Variants in TXNL1 observed in about 807,000 individuals in gnomAD.
The protein encoded by TXNL1 is thioredoxin-like protein 1.
In TXNL1, 14 loss-of-function variants were observed where a neutral mutation model predicts 35.5. The ratio of observed to expected loss-of-function variants is 0.39; its 90% confidence interval spans 0.26 to 0.62. The LOEUF (loss-of-function observed/expected upper bound fraction) is 0.62. Ranked by LOEUF, TXNL1 falls within the 20% of genes least tolerant of loss-of-function variation. TXNL1 has a pLI of 0.47. For missense variants in TXNL1, 263 were observed against 349.7 expected (o/e 0.75, Z 1.98); for synonymous variants, 110 against 115.5 (o/e 0.95, Z 0.31).
intron 1 of TXNL1, among the ~76,000 whole-genome samples, chr18:56,637,423 A>T (rs2024473400): frequency 6.6e-6 from 1 of 152,212 alleles, no homozygotes; most frequent in South Asian, 2.1e-4. Flanking sequence ...CTTCTAACTA[A>T]ATACTATCGA....
At chr18:56,619,736 G>A (rs1034009605) in intron 3 of TXNL1, among the ~76,000 whole-genome samples, 2 of 151,862 alleles carry the variant, frequency 1.3e-5, no homozygotes, top group African/African-American at 2.4e-5. Context: ...TGTTAACAGC[G>A]GTTGGTCATG....
chr18:56,619,258 C>T lies in TXNL1; in HGVS notation c.370-1132G>A, dbSNP rs185508749. ...AAGTATAAACATTATATTTGGAGGC[C>T]GGGTCGGGGTGGCTCACCCCTGCAA... On this transcript the variant is annotated intron_variant, in intron 3 of 7. Transcript: ENST00000217515. Among the ~76,000 whole-genome samples, 20 of 150,942 alleles carry T rather than the reference C, an allele frequency of 1.3e-4. No homozygotes were observed. In the South Asian group the frequency reaches 2.5e-3, roughly 19 times the overall value.
At chr18:56,617,853 A>G (rs186010485) in intron 4 of TXNL1, 151 bp downstream of exon 4, 23 of 1,113,520 alleles carry the variant, frequency 2.1e-5, no homozygotes, top group Non-Finnish European at 2.9e-5. Flanking sequence ...ATGGTCAAAA[A>G]ACAAAAGTCA....
Position 56,636,469 on chromosome 18 carries a change from G to C in TXNL1, c.98+1874C>G, listed in dbSNP as rs111816645. ...GCCAATAAGTTCGAGGAATATTAAA[G>C]GTAAATACAATAATCTTACCAGATT... On this transcript the variant is annotated intron_variant, in intron 1 of 7. Coordinates refer to ENST00000217515, the MANE Select transcript of TXNL1 (RefSeq NM_004786.3). 5.2e-3 allele frequency among the ~76,000 whole-genome samples: 789 copies of C among 152,116 alleles called. 3 individuals are homozygous for C. Among genetic ancestry groups the C allele is most frequent in the African/African-American group, 0.018 (762 of 41,500 alleles).
At chr18:56,635,249 C>T (rs2024438491) in intron 1 of TXNL1, among the ~76,000 whole-genome samples, 1 of 152,082 alleles carries the variant, frequency 6.6e-6, no homozygotes, top group African/African-American at 2.4e-5. Flanking sequence ...CAGAGCAAGA[C>T]CCTGTCTCTA....
chr18:56,621,958 T>G (rs1051910715), intron 3 of TXNL1, among the ~76,000 whole-genome samples: 21 of 145,032 alleles, frequency 1.4e-4, no homozygotes, highest in Non-Finnish European at 1.6e-4. Context: ...CGGTGGAGGT[T>G]GCAGATCATG....
intron 3 of TXNL1, among the ~76,000 whole-genome samples, chr18:56,623,516 C>A (rs1022340277): frequency 3.3e-5 from 5 of 151,878 alleles, no homozygotes; most frequent in Non-Finnish European, 7.4e-5. Flanking sequence ...AACTTTGTAA[C>A]CAGAGAAATT....
chr18:56,626,606 G>C, intron 1 of TXNL1, 149 bp from the exon 2 acceptor site: 1 of 725,076 alleles, frequency 1.4e-6, no homozygotes, highest in South Asian at 2.2e-5. Flanking sequence ...GCTTTAGACA[G>C]AGTCTCACTC....
At chr18:56,618,266 C>T in intron 3 of TXNL1, 140 bp from the exon 4 acceptor site, 4 of 855,234 alleles carry the variant, frequency 4.7e-6, no homozygotes, top group Non-Finnish European at 6.9e-6. Flanking sequence ...TACAGTAGTC[C>T]TTTCATTTGC....
At chr18:56,633,853 G>C (rs1449240791) in intron 1 of TXNL1, among the ~76,000 whole-genome samples, 4 of 151,538 alleles carry the variant, frequency 2.6e-5, no homozygotes, top group African/African-American at 9.7e-5. Flanking sequence ...GTGTGGTGGC[G>C]CATACCTGTA....
Position 56,599,290 on chromosome 18 carries a change from A to C in TXNL1, c.*3737T>G, listed in dbSNP as rs1052601061. The C allele has an allele frequency of 8.6e-5, 13 of 152,004 alleles. No individual in the cohort carries two copies. The highest frequency in any genetic ancestry group is 2.2e-4 in the African/African-American group (9 of 41,370). 9.4% of individuals were successfully genotyped at this position (152,004 alleles called of 1,614,324 possible). A position where few individuals can be genotyped will look rare whatever the true frequency, so the allele number is the denominator to read the frequency against. Reference sequence around the variant, plus strand: ...AGTGCTGAGCATGTTAAAAAAAAAAAAAAACCTTATTGATCAAAAATAAAA... The same window carrying C: ...AGTGCTGAGCATGTTAAAAAAAAAACAAAACCTTATTGATCAAAAATAAAA... On this transcript the variant is annotated 3_prime_UTR_variant, in exon 8 of 8. Transcript: ENST00000217515.
intron 1 of TXNL1, among the ~76,000 whole-genome samples, chr18:56,637,122 G>GT (rs2024467800): frequency 6.6e-6 from 1 of 152,128 alleles, no homozygotes; most frequent in Non-Finnish European, 1.5e-5. Flanking sequence ...TCAATTCAGT[G>GT]TAAGAGAGAC....
rs1343835084 is a variant in TXNL1, at chr18:56,603,006, T to C, written c.*21A>G. Reference sequence around the variant, plus strand: ...AGCTGTAGATCTGATTGCAATATGGTTGTCCAGTGTCTTTTGTACCTTAGT... The same window carrying C: ...AGCTGTAGATCTGATTGCAATATGGCTGTCCAGTGTCTTTTGTACCTTAGT... On this transcript the variant is annotated 3_prime_UTR_variant, in exon 8 of 8. Transcript: ENST00000217515. The C allele has an allele frequency of 1.2e-6, 2 of 1,613,600 alleles. No individual in the cohort carries two copies. Among genetic ancestry groups the C allele is most frequent in the East Asian group, 4.5e-5 (2 of 44,824 alleles).
intron 1 of TXNL1, among the ~76,000 whole-genome samples, chr18:56,632,556 T>C (rs1046700535): frequency 6.6e-6 from 1 of 152,190 alleles, no homozygotes; most frequent in Non-Finnish European, 1.5e-5. Context: ...CAAAACAATG[T>C]CCTACACAGT....
chr18:56,614,383 TCA>T, intron 6 of TXNL1, 39 bp downstream of exon 6: 4 of 1,561,518 alleles, frequency 2.6e-6, no homozygotes, highest in Non-Finnish European at 3.5e-6. Flanking sequence ...GTATTGTTAC[TCA>T]CAAACCTATT....
intron 3 of TXNL1, among the ~76,000 whole-genome samples, chr18:56,618,624 A>G (rs1441264684): frequency 1.3e-5 from 2 of 152,046 alleles, no homozygotes; most frequent in Non-Finnish European, 2.9e-5. Context: ...ATAATCATCA[A>G]CTGAAGGCCA....
At chr18:56,611,361 G>A (rs1598913652) in intron 6 of TXNL1, among the ~76,000 whole-genome samples, 1 of 151,812 alleles carries the variant, frequency 6.6e-6, no homozygotes, top group Non-Finnish European at 1.5e-5. Flanking sequence ...AATTAACCAG[G>A]TGTGGTGACT....
chr18:56,600,378 A>G lies in TXNL1; in HGVS notation c.*2649T>C, dbSNP rs1369324740. 5.4e-5 allele frequency: 8 copies of G among 149,352 alleles called. 1 individual carries two copies. The highest frequency in any genetic ancestry group is 4.7e-4 in the Admixed American group (7 of 14,916). 9.3% of individuals were successfully genotyped at this position (149,352 alleles called of 1,614,324 possible). On this transcript the variant is annotated 3_prime_UTR_variant, in exon 8 of 8. Coordinates refer to ENST00000217515, the MANE Select transcript of TXNL1 (RefSeq NM_004786.3). ...GTTACGTGGCTGCCTCCAACAGAAT[A>G]TTGAGACTGGGGAACAAAGTGGGGC...
chr18:56,609,599 T>C (rs1383281204), intron 7 of TXNL1: 1 of 152,046 alleles, frequency 6.6e-6, no homozygotes, highest in African/African-American at 2.4e-5. Context: ...AATAATAAGA[T>C]AATAGTAATA....
Sources: allele counts gnomAD v4.1 joint callset (sites outside exome capture counted in the v4.1 genomes callset), GRCh38; gene constraint gnomAD v4.1.1; transcripts MANE v1.5; gene names NCBI Gene and HGNC (gene_info 2026-07-23, HGNC 2026-07-21).